PEX5L: variants seen among roughly 807,000 people sequenced by gnomAD.
The protein encoded by PEX5L is PEX5-related protein.
A neutral mutation model predicts 84.0 loss-of-function variants in PEX5L; 30 were observed. That is an observed-to-expected ratio of 0.36 (90% CI 0.27 to 0.48). The LOEUF is 0.48. PEX5L is among the 20% of genes least tolerant of loss of function. The pLI, the probability that PEX5L is intolerant of heterozygous loss-of-function variation, is 0.99. For missense variants in PEX5L, 533 were observed against 754.6 expected (o/e 0.71, Z 3.44); for synonymous variants, 270 against 283.1 (o/e 0.95, Z 0.46).
At chr3:179,921,568 G>A (rs1007075491) in intron 2 of PEX5L, 2 of 152,090 alleles carry the variant, frequency 1.3e-5, no homozygotes, top group Non-Finnish European at 2.9e-5. Context: ...AACCTACCAA[G>A]TATCATCACA....
At chr3:179,854,084 G>A (rs1411055300) in intron 8 of PEX5L, among the ~76,000 whole-genome samples, 1 of 144,012 alleles carries the variant, frequency 6.9e-6, no homozygotes, top group East Asian at 2.2e-4. Context: ...GACCAGCCTT[G>A]GCAATATGGT....
At chr3:179,813,222 T>C (rs1724578146) in intron 10 of PEX5L, among the ~76,000 whole-genome samples, 1 of 152,200 alleles carries the variant, frequency 6.6e-6, no homozygotes, top group Non-Finnish European at 1.5e-5. Context: ...GCAGTGTTAT[T>C]ACTTTAACTT....
At chr3:179,814,782 C>G (rs907219521) in intron 10 of PEX5L, among the ~76,000 whole-genome samples, 1 of 152,092 alleles carries the variant, frequency 6.6e-6, no homozygotes, top group Admixed American at 6.6e-5. Flanking sequence ...GTATGTCTCT[C>G]CTGAGTACAG....
intron 2 of PEX5L, among the ~76,000 whole-genome samples, chr3:179,919,766 G>A (rs1224552464): frequency 2.0e-5 from 3 of 152,102 alleles, no homozygotes; most frequent in South Asian, 2.1e-4. Flanking sequence ...GCAGTGGCGC[G>A]ATCTCAGCTC....
chr3:180,011,843 A>G (rs1405576332), intron 1 of PEX5L, among the ~76,000 whole-genome samples: 1 of 152,142 alleles, frequency 6.6e-6, no homozygotes, highest in Admixed American at 6.6e-5. Flanking sequence ...TTAAACTCAA[A>G]AAGACTGAAA....
chr3:179,901,069 C>T (rs1761160524), intron 2 of PEX5L, among the ~76,000 whole-genome samples: 1 of 152,138 alleles, frequency 6.6e-6, no homozygotes, highest in African/African-American at 2.4e-5. Flanking sequence ...GAAATCAGAA[C>T]CTGACTGATA....
intron 2 of PEX5L, among the ~76,000 whole-genome samples, chr3:179,913,377 G>A (rs1206721768): frequency 2.6e-5 from 4 of 151,962 alleles, no homozygotes; most frequent in Non-Finnish European, 5.9e-5. Context: ...TTCTGGTTTT[G>A]TTTCCATTTA....
intron 1 of PEX5L, among the ~76,000 whole-genome samples, chr3:179,992,894 G>A (rs139485457): frequency 3.9e-5 from 6 of 152,112 alleles, no homozygotes; most frequent in Non-Finnish European, 7.4e-5. Flanking sequence ...GTCTATGTAT[G>A]TATGTATGTA....
At chr3:179,965,000 T>C (rs1408456279) in intron 2 of PEX5L, among the ~76,000 whole-genome samples, 1 of 152,214 alleles carries the variant, frequency 6.6e-6, no homozygotes, top group Non-Finnish European at 1.5e-5. Context: ...CCATAGCCTG[T>C]TTTCACTCAG....
chr3:179,828,900 T>C (rs1731567079), intron 8 of PEX5L, among the ~76,000 whole-genome samples: 1 of 152,228 alleles, frequency 6.6e-6, no homozygotes, highest in Non-Finnish European at 1.5e-5. Context: ...TCACATCTGC[T>C]GTGTGAATCA....
chr3:179,935,851 T>A (rs1774430843), intron 2 of PEX5L, among the ~76,000 whole-genome samples: 1 of 152,290 alleles, frequency 6.6e-6, no homozygotes, highest in Non-Finnish European at 1.5e-5. Flanking sequence ...ACTGGATTAG[T>A]TAGTGTGAGA....
intron 3 of PEX5L, among the ~76,000 whole-genome samples, chr3:179,891,832 G>A (rs1757721858): frequency 6.6e-6 from 1 of 152,046 alleles, no homozygotes; most frequent in East Asian, 1.9e-4. Flanking sequence ...TTCCTTTGGT[G>A]ACTTGAGAAC....
At chr3:179,917,460 A>G (rs749692307) in intron 2 of PEX5L, among the ~76,000 whole-genome samples, 3 of 152,126 alleles carry the variant, frequency 2.0e-5, no homozygotes, top group Non-Finnish European at 4.4e-5. Flanking sequence ...TGTGCTGTAC[A>G]TTATTGCAGG....
intron 7 of PEX5L, among the ~76,000 whole-genome samples, chr3:179,865,428 G>A (rs750881161): frequency 7.2e-5 from 11 of 151,972 alleles, no homozygotes; most frequent in Non-Finnish European, 4.4e-5. Context: ...ACTTAGCGGT[G>A]TGCTCAGACA....
chr3:179,923,641 G>T (rs12632198), intron 2 of PEX5L, among the ~76,000 whole-genome samples: 68,516 of 152,046 alleles, frequency 0.45, 15,654 homozygotes, highest in East Asian at 0.59. Context: ...TCATGGTTTT[G>T]AAATCACACA....
Position 180,010,104 on chromosome 3 carries a change from T to C in PEX5L, c.21+26475A>G, listed in dbSNP as rs183001928. ...GACTACAGGCGCCCGCCACCACGTC[T>C]GGCTACTTTTTTTTGTATTTTTAGT... is the stretch of plus-strand genomic sequence containing the variant. On this transcript the variant is annotated intron_variant, in intron 1 of 14. Transcript: ENST00000467460. Among the ~76,000 whole-genome samples the C allele has an allele frequency of 1.3e-3, 196 of 152,152 alleles. 1 individual carries two copies. In the Middle Eastern group the frequency reaches 0.017, roughly 13 times the overall value.
chr3:179,913,998 T>A (rs993283741), intron 2 of PEX5L, among the ~76,000 whole-genome samples: 6 of 152,204 alleles, frequency 3.9e-5, no homozygotes, highest in Non-Finnish European at 8.8e-5. Flanking sequence ...TAAATATGAT[T>A]TCTCTGTATA....
chr3:179,959,455 A>G (rs1351781638), intron 2 of PEX5L, among the ~76,000 whole-genome samples: 1 of 152,214 alleles, frequency 6.6e-6, no homozygotes, highest in African/African-American at 2.4e-5. Context: ...GACTATGGTT[A>G]TGTTATCTCT....
intron 2 of PEX5L, among the ~76,000 whole-genome samples, chr3:179,957,038 T>C (rs1425348235): frequency 1.3e-5 from 2 of 152,156 alleles, no homozygotes; most frequent in Non-Finnish European, 2.9e-5. Flanking sequence ...CTTGATTCAA[T>C]ATAAGGAAAC....
Sources: allele counts gnomAD v4.1 joint callset (sites outside exome capture counted in the v4.1 genomes callset), GRCh38; gene constraint gnomAD v4.1.1; transcripts MANE v1.5; gene names NCBI Gene and HGNC (gene_info 2026-07-23, HGNC 2026-07-21).